The following NGEF variants were observed in gnomAD, a reference collection of about 807,000 sequenced individuals.
The protein encoded by NGEF is ephexin-1.
In NGEF, 31 loss-of-function variants were observed where a neutral mutation model predicts 80.9. The observed-to-expected ratio is 0.38, with a 90% CI of 0.29 to 0.52. The LOEUF (loss-of-function observed/expected upper bound fraction) is 0.52, where lower values mean the gene tolerates loss of function less well. NGEF is among the 20% of genes least tolerant of loss of function. The pLI is 0.84. For synonymous variants in NGEF, 371 were observed against 370.2 expected, an observed-to-expected ratio of 1.00 and a Z score of -0.03; for missense variants, 709 against 926.2, an observed-to-expected ratio of 0.77 and a Z score of 3.04.
chr2:232,991,218 A>C (rs1358360695), intron 1 of NGEF, among the ~76,000 whole-genome samples: 1 of 152,106 alleles, frequency 6.6e-6, no homozygotes, highest in Admixed American at 6.5e-5. Context: ...CAAAATTATA[A>C]TGGAGGTTAT....
chr2:232,883,235 G>T, intron 12 of NGEF, 76 bp downstream of exon 12: 3 of 1,489,666 alleles, frequency 2.0e-6, no homozygotes, highest in Admixed American at 2.1e-5. Flanking sequence ...TCCACCTGGG[G>T]ACAGGCCCAT....
intron 1 of NGEF, among the ~76,000 whole-genome samples, chr2:232,995,730 A>G (rs181604252): frequency 6.9e-6 from 1 of 145,604 alleles, no homozygotes; most frequent in Non-Finnish European, 1.5e-5. Context: ...AATATATTAT[A>G]CATATACATA....
intron 5 of NGEF, among the ~76,000 whole-genome samples, chr2:232,905,494 C>T (rs561922419): frequency 2.6e-5 from 4 of 152,358 alleles, no homozygotes; most frequent in East Asian, 3.9e-4. Context: ...CCCCAAAGTG[C>T]GGAGATTGCA....
At chr2:232,963,498 TA>T (rs1206270866) in intron 3 of NGEF, among the ~76,000 whole-genome samples, 2 of 151,914 alleles carry the variant, frequency 1.3e-5, no homozygotes, top group Non-Finnish European at 2.9e-5. Flanking sequence ...TCATCAAAAT[TA>T]AAAATTTCTG....
chr2:232,888,839 A>G (rs1267506586), intron 8 of NGEF, among the ~76,000 whole-genome samples: 1 of 152,236 alleles, frequency 6.6e-6, no homozygotes, highest in Non-Finnish European at 1.5e-5. Context: ...AATTTTCTTC[A>G]GTTAACAAAA....
intron 8 of NGEF, chr2:232,891,106 G>A (rs747321273): frequency 1.4e-5 from 8 of 575,040 alleles, no homozygotes; most frequent in East Asian, 3.9e-5. Flanking sequence ...CACCCCTGTC[G>A]TGTCGGCCCA....
chr2:232,970,459 C>A, intron 2 of NGEF, 131 bp from the exon 3 acceptor site: 1 of 583,966 alleles, frequency 1.7e-6, no homozygotes. Flanking sequence ...AGGGGTGTCC[C>A]TCCCCTCACT....
At chr2:232,913,218 A>G (rs1363434312) in intron 5 of NGEF, among the ~76,000 whole-genome samples, 3 of 152,244 alleles carry the variant, frequency 2.0e-5, no homozygotes, top group African/African-American at 7.2e-5. Flanking sequence ...CAAAATATTT[A>G]TAACTCTCCT....
At chr2:232,915,282 T>C (rs1453844593) in intron 5 of NGEF, among the ~76,000 whole-genome samples, 4 of 152,236 alleles carry the variant, frequency 2.6e-5, no homozygotes, top group Non-Finnish European at 5.9e-5. Flanking sequence ...TAATCATTCA[T>C]CTTATCAAGA....
intron 3 of NGEF, among the ~76,000 whole-genome samples, chr2:232,936,079 A>G (rs1456049996): frequency 6.6e-6 from 1 of 152,214 alleles, no homozygotes. Context: ...AGTGAGGAAA[A>G]GGGTAGGATA....
intron 8 of NGEF, among the ~76,000 whole-genome samples, chr2:232,888,711 G>C (rs1691787303): frequency 6.6e-6 from 1 of 152,010 alleles, no homozygotes; most frequent in Non-Finnish European, 1.5e-5. Flanking sequence ...TTACGGGACA[G>C]GGGTAGGGGG....
In NGEF at chr2:232,891,265, C is replaced by A. The variant is rs1691875343; in HGVS notation, c.1272+93G>T. 36 of 1,504,652 alleles carry A rather than the reference C, an allele frequency of 2.4e-5. 1 individual carries two copies. The South Asian group carries it at 4.4e-4, about 18-fold the overall frequency. The allele number at this position is 1,504,652 out of a possible 1,614,324, so 93.2% of individuals were successfully genotyped here. A position where few individuals can be genotyped will look rare whatever the true frequency, so the allele number is the denominator to read the frequency against. ...TGGGAGGAGCTTAGTATCTGTTGAA[C>A]CAGTAGACCTCCTAGAAAGCTGACA... On this transcript the variant is annotated intron_variant, in intron 8 of 14. Transcript: ENST00000264051.
chr2:232,943,213 T>C (rs1026759724), intron 3 of NGEF, among the ~76,000 whole-genome samples: 1 of 151,894 alleles, frequency 6.6e-6, no homozygotes, highest in Non-Finnish European at 1.5e-5. Context: ...GAAATACAAG[T>C]TTCTATTTGA....
chr2:232,942,331 C>T (rs1330001515), intron 3 of NGEF, among the ~76,000 whole-genome samples: 2 of 152,206 alleles, frequency 1.3e-5, no homozygotes, highest in African/African-American at 2.4e-5. Context: ...CCCCACTTGT[C>T]GCTGTGAGGG....
chr2:232,902,502 T>A (rs745306407), intron 5 of NGEF, among the ~76,000 whole-genome samples: 1 of 152,290 alleles, frequency 6.6e-6, no homozygotes, highest in South Asian at 2.1e-4. Context: ...AACGCAGCCA[T>A]GGGATGCAGG....
intron 1 of NGEF, among the ~76,000 whole-genome samples, chr2:232,993,637 G>A (rs1300583893): frequency 6.6e-6 from 1 of 152,188 alleles, no homozygotes; most frequent in African/African-American, 2.4e-5. Flanking sequence ...ATAGCAGCAT[G>A]AGTCATAACT....
intron 1 of NGEF, among the ~76,000 whole-genome samples, chr2:232,997,520 C>CG (rs1694879320): frequency 6.6e-6 from 1 of 152,092 alleles, no homozygotes; most frequent in Non-Finnish European, 1.5e-5. Flanking sequence ...CTTGGGCCTA[C>CG]AGTGGAGATT....
intron 1 of NGEF, among the ~76,000 whole-genome samples, chr2:232,982,981 C>T (rs1694463268): frequency 6.6e-6 from 1 of 152,230 alleles, no homozygotes; most frequent in African/African-American, 2.4e-5. Context: ...GGAAGACCTG[C>T]ATGGCATGGA....
chr2:232,917,961 T>C (rs1169924532), intron 5 of NGEF, among the ~76,000 whole-genome samples: 1 of 151,834 alleles, frequency 6.6e-6, no homozygotes, highest in East Asian at 1.9e-4. Context: ...TACTTATTTA[T>C]TTATTTATTT....
Sources: gnomAD v4.1 joint callset for allele counts (sites outside exome capture counted in the v4.1 genomes callset) on GRCh38, gnomAD v4.1.1 for gene constraint, MANE v1.5 for transcripts, NCBI Gene and HGNC (gene_info 2026-07-23, HGNC 2026-07-21) for gene names.